CLNS1A: variants seen among roughly 807,000 people sequenced by gnomAD.
CLNS1A encodes methylosome subunit pICln.
CLNS1A carries 16 observed loss-of-function variants against 29.4 expected under a neutral mutation model. The observed-to-expected ratio is 0.54, with a 90% confidence interval of 0.37 to 0.83. The LOEUF (loss-of-function observed/expected upper bound fraction) is 0.83. Among genes scored for constraint, CLNS1A ranks in the 40% least tolerant of loss-of-function variants. CLNS1A has a pLI of 0.00. For synonymous variants in CLNS1A, 96 were observed against 104.8 expected (o/e 0.92, Z 0.51); for missense variants, 235 against 287.4 (o/e 0.82, Z 1.32).
intron 5 of CLNS1A, among the ~76,000 whole-genome samples, chr11:77,621,579 G>C (rs892024526): frequency 1.3e-5 from 2 of 152,168 alleles, no homozygotes; most frequent in African/African-American, 4.8e-5. Context: ...GGAGGCGGAG[G>C]TTGTAGTGAG....
chr11:77,620,894 ATC>A (rs1267907431), intron 5 of CLNS1A, among the ~76,000 whole-genome samples: 1 of 152,050 alleles, frequency 6.6e-6, no homozygotes, highest in African/African-American at 2.4e-5. Context: ...AGGCAGAAGA[ATC>A]TCTTAAACCC....
rs1025501378 is a variant in CLNS1A at position 77,615,960 on chromosome 11, C to T, written c.*758G>A. 2 of 152,082 alleles carry T rather than the reference C, an allele frequency of 1.3e-5. No individual in the cohort carries two copies. Among genetic ancestry groups the T allele is most frequent in the Non-Finnish European group, 2.9e-5 (2 of 68,018 alleles). The allele number at this position is 152,082 out of a possible 1,614,324, so 9.4% of individuals were successfully genotyped here. The stretch of plus-strand genomic sequence containing the variant: ...TGATCTAAAAGGAAGTGGCAGAAAT[C>T]CCCTGAAATGTGTTAAATCTTTGCC... On this transcript the variant is annotated 3_prime_UTR_variant, in exon 7 of 7. Coordinates refer to ENST00000525428, the MANE Select transcript of CLNS1A (RefSeq NM_001293.3).
intron 4 of CLNS1A, among the ~76,000 whole-genome samples, chr11:77,624,585 C>T (rs1305112507): frequency 6.6e-6 from 1 of 152,024 alleles, no homozygotes; most frequent in African/African-American, 2.4e-5. Flanking sequence ...TTTGGGAGGC[C>T]GAGGCAGGCG....
chr11:77,636,864 A>T (rs567922799), intron 1 of CLNS1A, among the ~76,000 whole-genome samples: 1 of 152,304 alleles, frequency 6.6e-6, no homozygotes, highest in Non-Finnish European at 1.5e-5. Context: ...CATGTCAAGG[A>T]AACAGGGACC....
rs1290408501 is a variant in CLNS1A at position 77,625,589 on chromosome 11, G to C, written c.364+128C>G. 2.2e-5 allele frequency: 17 copies of C among 759,210 alleles called. No homozygotes were observed. In the East Asian group the frequency reaches 4.8e-4, roughly 21 times the overall value. The allele number at this position is 759,210 out of a possible 1,614,324, so 47.0% of individuals were successfully genotyped here. A position where few individuals can be genotyped will look rare whatever the true frequency, so the allele number is the denominator to read the frequency against. On this transcript the variant is annotated intron_variant, in intron 3 of 6. Coordinates refer to ENST00000525428, the MANE Select transcript of CLNS1A (RefSeq NM_001293.3). ...ATGATATTACCAATGCTAAAATAAA[G>C]AAAAAGCAATAGAATGGAGGTAATG...
intron 4 of CLNS1A, among the ~76,000 whole-genome samples, chr11:77,623,884 A>G (rs187123445): frequency 2.6e-5 from 4 of 152,354 alleles, no homozygotes; most frequent in African/African-American, 4.8e-5. Flanking sequence ...TGGGGGAGGC[A>G]ATCGGAAAGG....
In CLNS1A at chr11:77,633,342, C is replaced by T. The variant is rs187950294; in HGVS notation, c.126-3443G>A. 2.3e-3 allele frequency among the ~76,000 whole-genome samples: 355 copies of T among 152,258 alleles called. 1 individual carries two copies. The highest frequency in any genetic ancestry group is 8.4e-3 in the African/African-American group (348 of 41,556). On this transcript the variant is annotated intron_variant, in intron 1 of 6. Transcript: ENST00000525428. ...TAACTTTCAAAGTGATGTAGAGAAA[C>T]ATAAAAGATTTCACTGTATCATCTA...
chr11:77,624,691 T>C (rs1958997612), intron 4 of CLNS1A, among the ~76,000 whole-genome samples: 1 of 151,846 alleles, frequency 6.6e-6, no homozygotes, highest in South Asian at 2.1e-4. Context: ...TGGTGGCGCA[T>C]GCCTGTAATC....
intron 1 of CLNS1A, among the ~76,000 whole-genome samples, chr11:77,636,340 T>C: frequency 6.6e-6 from 1 of 152,126 alleles, no homozygotes; most frequent in Non-Finnish European, 1.5e-5. Flanking sequence ...AGTGCTGGGA[T>C]TACAGGTGTG....
intron 2 of CLNS1A, 56 bp from the exon 3 acceptor site, chr11:77,625,874 T>C (rs1959013454): frequency 1.5e-6 from 2 of 1,350,104 alleles, no homozygotes; most frequent in Non-Finnish European, 2.0e-6. Flanking sequence ...AAATGAAGCA[T>C]ATTGAAAATC....
intron 1 of CLNS1A, among the ~76,000 whole-genome samples, chr11:77,634,073 C>T (rs1332268152): frequency 6.6e-6 from 1 of 151,722 alleles, no homozygotes; most frequent in Non-Finnish European, 1.5e-5. Flanking sequence ...TGCATTCCAG[C>T]CTGGGCAACA....
At chr11:77,628,908 T>G (rs1440464035) in intron 2 of CLNS1A, among the ~76,000 whole-genome samples, 1 of 152,220 alleles carries the variant, frequency 6.6e-6, no homozygotes, top group Non-Finnish European at 1.5e-5. Context: ...GGACCATCTG[T>G]GCATAGCAGA....
intron 1 of CLNS1A, among the ~76,000 whole-genome samples, chr11:77,630,581 C>A (rs938010101): frequency 5.3e-5 from 8 of 152,140 alleles, no homozygotes; most frequent in African/African-American, 1.9e-4. Flanking sequence ...TATTCAACGT[C>A]TTTAAGAGAA....
intron 6 of CLNS1A, among the ~76,000 whole-genome samples, chr11:77,618,890 T>C (rs1958930015): frequency 6.6e-6 from 1 of 152,206 alleles, no homozygotes; most frequent in African/African-American, 2.4e-5. Flanking sequence ...AGTCAAAACA[T>C]ATAAATCTTA....
At chr11:77,620,870 T>C (rs962383709) in intron 5 of CLNS1A, among the ~76,000 whole-genome samples, 2 of 151,072 alleles carry the variant, frequency 1.3e-5, no homozygotes, top group South Asian at 4.2e-4. Flanking sequence ...TAATCCCAAC[T>C]ACTCAGGAGG....
Position 77,617,340 on chromosome 11 carries a change from C to T in CLNS1A, c.*23-645G>A, listed in dbSNP as rs189037439. ...GCCGATTGCACCATTGCACTCCAGC[C>T]TGGGCAACAAGAGCGAAACTCCATC... On this transcript the variant is annotated intron_variant, in intron 6 of 6. Coordinates refer to ENST00000525428, the MANE Select transcript of CLNS1A (RefSeq NM_001293.3). Among the ~76,000 whole-genome samples, 598 of 131,520 alleles carry T rather than the reference C, an allele frequency of 4.5e-3. 6 individuals are homozygous for T. The highest frequency in any genetic ancestry group is 0.017 in the African/African-American group (575 of 33,426). The allele number at this position is 131,520 out of a possible 152,430, so 86.3% of individuals were successfully genotyped here. A position where few individuals can be genotyped will look rare whatever the true frequency, so the allele number is the denominator to read the frequency against.
intron 2 of CLNS1A, among the ~76,000 whole-genome samples, chr11:77,628,803 A>G (rs1001168835): frequency 5.9e-5 from 9 of 152,218 alleles, no homozygotes; most frequent in Non-Finnish European, 1.2e-4. Context: ...AAGTCTTTGC[A>G]ATTATCCCAA....
At chr11:77,632,528 C>A (rs1959084820) in intron 1 of CLNS1A, among the ~76,000 whole-genome samples, 1 of 152,118 alleles carries the variant, frequency 6.6e-6, no homozygotes, top group African/African-American at 2.4e-5. Flanking sequence ...TGCTATGGAA[C>A]TCTCATAATC....
Position 77,629,859 on chromosome 11 carries a change from G to C in CLNS1A, c.166C>G (p.Leu56Val). Residue 56 changes from leucine to valine, a missense_variant, in exon 2 of 7, where the codon CTG (leucine) becomes GTG (valine). Leu to Val is a conservative substitution (Grantham distance 32). Coordinates refer to ENST00000525428, the MANE Select transcript of CLNS1A (RefSeq NM_001293.3). ...TGTAAACTAATGGTGGGGTATTCCA[G>C]TGAGAATCCTAATCCAGAGCCATCT... ...WLDGSGLGFSLEYPTISLHAL... is the reference protein window; with the variant it reads ...WLDGSGLGFSVEYPTISLHAL... 3 of 1,613,946 alleles carry C rather than the reference G, an allele frequency of 1.9e-6. No homozygotes were observed. Among genetic ancestry groups the C allele is most frequent in the Non-Finnish European group, 2.5e-6 (3 of 1,179,842 alleles).
Sources: allele counts gnomAD v4.1 joint callset (sites outside exome capture counted in the v4.1 genomes callset), GRCh38; gene constraint gnomAD v4.1.1; transcripts MANE v1.5; gene names NCBI Gene and HGNC (gene_info 2026-07-23, HGNC 2026-07-21).